DYNC1H1: variants seen among roughly 807,000 people sequenced by gnomAD.
DYNC1H1 encodes dynein cytoplasmic 1 heavy chain 1.
In DYNC1H1, 51 loss-of-function variants were observed where a neutral mutation model predicts 527.1. That is an observed-to-expected ratio of 0.10 (90% confidence interval 0.08 to 0.12). The LOEUF is 0.12. Among genes scored for constraint, DYNC1H1 ranks in the 10% least tolerant of loss-of-function variants. The pLI is 1.00. For missense variants in DYNC1H1, 2,771 were observed against 5,971.8 expected (o/e 0.46, Z 17.66); for synonymous variants, 2,189 against 2,278.8 (o/e 0.96, Z 1.12).
intron 43 of DYNC1H1, chr14:102,023,115 T>A: frequency 1.7e-6 from 1 of 572,202 alleles, no homozygotes; most frequent in Non-Finnish European, 3.0e-6. Context: ...AATTTGAAAA[T>A]TTAGCCAGGC....
Position 102,039,746 on chromosome 14 carries a change from C to A in DYNC1H1, c.11690+14C>A. 6.2e-7 allele frequency: 1 copy of A among 1,614,080 alleles called. No individual in the cohort carries two copies. The highest frequency in any genetic ancestry group is 8.5e-7 in the Non-Finnish European group (1 of 1,179,984). On this transcript the variant is annotated intron_variant, in intron 62 of 77. Transcript: ENST00000360184. The surrounding 1 kb of genome is among the most constrained non-coding windows in gnomAD (Gnocchi z 7.0). ...GGGCACCGTGGGGTAAGAGCACTCA[C>A]GCCCACAGGAGGATGCCATATTGCT... is the stretch of plus-strand genomic sequence containing the variant.
At chr14:101,992,698 T>A (rs2048011530) in intron 11 of DYNC1H1, among the ~76,000 whole-genome samples, 1 of 152,154 alleles carries the variant, frequency 6.6e-6, no homozygotes, top group Non-Finnish European at 1.5e-5. Context: ...AGCACTGCTC[T>A]GTGTGATCGC....
chr14:102,008,196 G>C lies in DYNC1H1; in HGVS notation c.5836G>C (p.Val1946Leu). 6.2e-7 allele frequency: 1 copy of C among 1,614,196 alleles called. No homozygotes were observed. Among genetic ancestry groups the C allele is most frequent in the African/African-American group, 1.3e-5 (1 of 75,054 alleles). Reference protein sequence around the residue: ...FDFQAMGRIFVGLCQVGAWGC... With the variant: ...FDFQAMGRIFLGLCQVGAWGC... ...TTTCCAGGCAATGGGCCGGATCTTT[G>C]TGGGCCTTTGCCAGGTGGGTGCCTG... Residue 1946 changes from valine to leucine, a missense_variant, in exon 29 of 78, where the codon GTG (valine) becomes CTG (leucine). Coordinates refer to ENST00000360184, the MANE Select transcript of DYNC1H1 (RefSeq NM_001376.5).
chr14:102,007,916 C>T (rs558219582), intron 28 of DYNC1H1, among the ~76,000 whole-genome samples: 2 of 152,354 alleles, frequency 1.3e-5, no homozygotes, highest in South Asian at 2.1e-4. Context: ...GCTATTTTGT[C>T]GCCACAAGGC....
At chr14:101,987,154 G>A (rs963455313) in intron 8 of DYNC1H1, among the ~76,000 whole-genome samples, 1 of 152,252 alleles carries the variant, frequency 6.6e-6, no homozygotes, top group Non-Finnish European at 1.5e-5. Flanking sequence ...CCAGGCACAG[G>A]AGGAGCTTAA....
At chr14:102,013,795 C>T (rs1375620541) in intron 34 of DYNC1H1, among the ~76,000 whole-genome samples, 1 of 152,154 alleles carries the variant, frequency 6.6e-6, no homozygotes, top group Non-Finnish European at 1.5e-5. Flanking sequence ...TTGGAGACTG[C>T]CTCAGACCTC....
intron 9 of DYNC1H1, among the ~76,000 whole-genome samples, chr14:101,988,311 T>G (rs1300459568): frequency 6.6e-6 from 1 of 152,216 alleles, no homozygotes; most frequent in Non-Finnish European, 1.5e-5. Context: ...ACAGCCACAT[T>G]CTGCCCCCAC....
In DYNC1H1 at chr14:102,049,463, C is replaced by T. The variant is rs1431567490; in HGVS notation, c.13396C>T (p.His4466Tyr). The change falls in exon 75 of 78, where the codon CAC (histidine) becomes TAC (tyrosine). Residue 4466 changes from histidine (H) to tyrosine (Y), a missense_variant. Physicochemically the swap from His to Tyr is moderately conservative, Grantham distance 83. Transcript: ENST00000360184. This position sits in a 1 kb window ranked among gnomAD's most constrained non-coding sequence, Gnocchi z 5.5. ...VKGILPRSWS[H>Y]YTVPAGMTVI... ...AGGGATCTTGCCTCGGAGCTGGTCC[C>T]ACTACACGGTGCCTGCCGGCATGAC... 19 of 1,614,068 alleles carry T rather than the reference C, an allele frequency of 1.2e-5. No individual in the cohort carries two copies. The highest frequency in any genetic ancestry group is 4.0e-5 in the African/African-American group (3 of 74,930).
In DYNC1H1 at chr14:101,965,317, A is replaced by G. The variant is rs938269683; in HGVS notation, c.256+370A>G. Among the ~76,000 whole-genome samples, 7 of 152,204 alleles carry G rather than the reference A, an allele frequency of 4.6e-5. No homozygotes were observed. The highest frequency in any genetic ancestry group is 1.7e-4 in the African/African-American group (7 of 41,458). On this transcript the variant is annotated intron_variant, in intron 1 of 77. Transcript: ENST00000360184. The surrounding 1 kb of genome is among the most constrained non-coding windows in gnomAD (Gnocchi z 4.1). ...CAAGATGGCCGAGTTGGGTGGAGACAGCGTCTCCCTGGGCTGAGAGCGGGC... is the reference window on the plus strand; with the variant it reads ...CAAGATGGCCGAGTTGGGTGGAGACGGCGTCTCCCTGGGCTGAGAGCGGGC...
chr14:102,015,097 C>T lies in DYNC1H1; in HGVS notation c.7015-8C>T, dbSNP rs1159847402. ...TGTCATTAAATCTGCTTAATGTTTT[C>T]TTTCAAGGTGAGAATAATGTTTGAG... On this transcript the variant is annotated splice_polypyrimidine_tract_variant and splice_region_variant and intron_variant, in intron 34 of 77. Coordinates refer to ENST00000360184, the MANE Select transcript of DYNC1H1 (RefSeq NM_001376.5). This position sits in a 1 kb window ranked among gnomAD's most constrained non-coding sequence, Gnocchi z 6.9. 1 of 1,614,150 alleles carries T rather than the reference C, an allele frequency of 6.2e-7. No homozygotes were observed. The highest frequency in any genetic ancestry group is 8.5e-7 in the Non-Finnish European group (1 of 1,179,966).
At chr14:101,991,751 C>G in intron 11 of DYNC1H1, 78 bp downstream of exon 11, 1 of 1,581,726 alleles carries the variant, frequency 6.3e-7, no homozygotes. Flanking sequence ...CTTCATGGTG[C>G]TTCTTTAGAT....
chr14:102,039,390 G>T lies in DYNC1H1; in HGVS notation c.11461-22G>T, dbSNP rs768513024. 1.9e-6 allele frequency: 3 copies of T among 1,613,732 alleles called. No homozygotes were observed. Among genetic ancestry groups the T allele is most frequent in the Non-Finnish European group, 2.5e-6 (3 of 1,179,598 alleles). ...GGGGTGCCGAGGGAGCTGCCTCACC[G>T]CTGCCCACTGCTTCCTTTCAGATAC... is the stretch of plus-strand genomic sequence containing the variant. On this transcript the variant is annotated intron_variant, in intron 60 of 77. Coordinates refer to ENST00000360184, the MANE Select transcript of DYNC1H1 (RefSeq NM_001376.5). The surrounding 1 kb of genome is among the most constrained non-coding windows in gnomAD (Gnocchi z 7.0).
rs2048623187 is a variant in DYNC1H1, at chr14:102,039,805, GCTTTTATTATTT to G, written c.11690+82_11690+93del. The G allele has an allele frequency of 1.4e-6, 2 of 1,471,616 alleles. No homozygotes were observed. Among genetic ancestry groups the G allele is most frequent in the South Asian group, 1.2e-5 (1 of 85,986 alleles). The allele number at this position is 1,471,616 out of a possible 1,614,324, so 91.2% of individuals were successfully genotyped here. On this transcript the variant is annotated intron_variant, in intron 62 of 77. Coordinates refer to ENST00000360184, the MANE Select transcript of DYNC1H1 (RefSeq NM_001376.5). This position sits in a 1 kb window ranked among gnomAD's most constrained non-coding sequence, Gnocchi z 7.0. ...CCAAGGGTTTCATGATCAGATACAT[GCTTTTATTATTT>G]CTTTTATTTTCTCTTTTATTTTCTT...
intron 2 of DYNC1H1, among the ~76,000 whole-genome samples, chr14:101,978,723 G>A (rs2047829560): frequency 6.6e-6 from 1 of 152,168 alleles, no homozygotes; most frequent in Non-Finnish European, 1.5e-5. Context: ...CATGAAGACT[G>A]GAGAGATTGC....
intron 43 of DYNC1H1, 133 bp downstream of exon 43, chr14:102,023,013 A>C: frequency 7.0e-7 from 1 of 1,432,880 alleles, no homozygotes; most frequent in Non-Finnish European, 9.5e-7. Flanking sequence ...CTGTAATCCC[A>C]GCACTTTGGG....
chr14:102,005,378 G>T lies in DYNC1H1; in HGVS notation c.5433+142G>T. On this transcript the variant is annotated intron_variant, in intron 26 of 77. Transcript: ENST00000360184. This position sits in a 1 kb window ranked among gnomAD's most constrained non-coding sequence, Gnocchi z 4.0. ...TGGTGTATGGATATCCTCTGAGGGTGGGCATTTGGCTCCCTGTCCCTGTTG... is the reference window on the plus strand; with the variant it reads ...TGGTGTATGGATATCCTCTGAGGGTTGGCATTTGGCTCCCTGTCCCTGTTG... The T allele has an allele frequency of 8.3e-7, 1 of 1,199,846 alleles. No individual in the cohort carries two copies. The highest frequency in any genetic ancestry group is 1.2e-6 in the Non-Finnish European group (1 of 818,536). The allele number at this position is 1,199,846 out of a possible 1,614,324, so 74.3% of individuals were successfully genotyped here.
rs745562998 is a variant in DYNC1H1 at position 102,005,913 on chromosome 14, A to G, written c.5459A>G (p.Asp1820Gly). The G allele has an allele frequency of 2.5e-6, 4 of 1,614,232 alleles. No homozygotes were observed. The highest frequency in any genetic ancestry group is 3.4e-6 in the Non-Finnish European group (4 of 1,180,042). Residue 1820 changes from aspartate to glycine, a missense_variant, in exon 27 of 78, where the codon GAT (aspartate) becomes GGT (glycine). By Grantham distance (94) the Asp-to-Gly change is moderately conservative. Around this residue, in one of 32 missense-constraint regions of DYNC1H1, gnomAD observed 64 missense variants for 143.4 expected, o/e 0.45. Transcript: ENST00000360184. The surrounding 1 kb of genome is among the most constrained non-coding windows in gnomAD (Gnocchi z 4.0). Reference protein sequence around the residue: ...HLITELVHQRDVTRSLIKSKI... With the variant: ...HLITELVHQRGVTRSLIKSKI... ...ATTACAGAGTTGGTTCACCAGAGAG[A>G]TGTTACAAGGTCCTTGATCAAAAGC...
chr14:102,002,839 C>G lies in DYNC1H1; in HGVS notation c.4757C>G (p.Pro1586Arg), dbSNP rs2048147456. ...CTAATGAAAAAAGTGTCCAAGTCTC[C>G]CCTTGTTATGGATGTTCTGAACATC... ...LALMKKVSKS[P>R]LVMDVLNIQG... The change falls in exon 23 of 78, where the codon CCC becomes CGC. Residue 1586 changes from proline (P) to arginine (R), a missense_variant. Physicochemically the swap from Pro to Arg is moderately radical, Grantham distance 103 (BLOSUM62 -2). Coordinates refer to ENST00000360184, the MANE Select transcript of DYNC1H1 (RefSeq NM_001376.5). This position sits in a 1 kb window ranked among gnomAD's most constrained non-coding sequence, Gnocchi z 4.4. 1 of 1,614,080 alleles carries G rather than the reference C, an allele frequency of 6.2e-7. No individual in the cohort carries two copies.
intron 10 of DYNC1H1, among the ~76,000 whole-genome samples, chr14:101,990,520 C>T (rs1289109486): frequency 6.6e-6 from 1 of 152,174 alleles, no homozygotes; most frequent in African/African-American, 2.4e-5. Context: ...AAGTGACAGA[C>T]ATTGTAGTTC....
Sources: allele counts gnomAD v4.1 joint callset (sites outside exome capture counted in the v4.1 genomes callset), GRCh38; gene constraint gnomAD v4.1.1; regional missense constraint gnomAD v4.1.1; non-coding constraint Gnocchi (gnomAD v3.1); transcripts MANE v1.5; gene names NCBI Gene and HGNC (gene_info 2026-07-23, HGNC 2026-07-21).